The following MYO16 variants were observed in gnomAD, a reference collection of about 807,000 sequenced individuals.
The protein encoded by MYO16 is myosin XVI, also known as unconventional myosin-XVI.
A neutral mutation model predicts 205.3 loss-of-function variants in MYO16; 94 were observed. That is an observed-to-expected ratio of 0.46 (90% CI 0.39 to 0.54). MYO16 has a LOEUF of 0.54. MYO16 is among the 20% of genes least tolerant of loss of function. The probability of loss-of-function intolerance (pLI) is 0.00; values close to 1 mark genes in which losing one functional copy is unlikely to be tolerated. For synonymous variants in MYO16, 988 were observed against 954.0 expected (o/e 1.04, Z -0.66); for missense variants, 2,315 against 2,387.5 (o/e 0.97, Z 0.63).
In MYO16 at chr13:108,710,446, T is replaced by C. The variant is rs1052086085; in HGVS notation, c.293-2215T>C. On this transcript the variant is annotated intron_variant, in intron 2 of 34. Transcript: ENST00000457511. ...ATTCAACATTTAGTAACCAGAAAGT[T>C]TGGAAAACATTCAGAATAGATCTTA... 7.2e-5 allele frequency among the ~76,000 whole-genome samples: 11 copies of C among 152,328 alleles called. No homozygotes were observed. The East Asian group carries it at 2.1e-3, about 29-fold the overall frequency.
At chr13:108,677,877 C>T (rs764379606) in intron 2 of MYO16, among the ~76,000 whole-genome samples, 12 of 152,158 alleles carry the variant, frequency 7.9e-5, no homozygotes, top group Non-Finnish European at 1.2e-4. Context: ...GACAGTATTG[C>T]CATAGCTGGT....
intron 16 of MYO16, among the ~76,000 whole-genome samples, chr13:108,917,414 A>G (rs1335185879): frequency 6.6e-6 from 1 of 152,234 alleles, no homozygotes; most frequent in African/African-American, 2.4e-5. Flanking sequence ...TGGCACTCCA[A>G]CTACCTGAAA....
intron 12 of MYO16, among the ~76,000 whole-genome samples, chr13:108,871,045 T>A (rs1247190193): frequency 6.6e-6 from 1 of 152,208 alleles, no homozygotes. Flanking sequence ...CGTTTTCTAC[T>A]TTTGTTTCTC....
chr13:108,594,761 C>A (rs563847188), upstream of MYO16, among the ~76,000 whole-genome samples: 13 of 152,236 alleles, frequency 8.5e-5, no homozygotes, highest in African/African-American at 2.9e-4. Context: ...TGTTGCTGAG[C>A]GAATGACAGG....
intron 16 of MYO16, among the ~76,000 whole-genome samples, chr13:108,925,491 G>A (rs1351151431): frequency 6.6e-6 from 1 of 151,054 alleles, no homozygotes; most frequent in Non-Finnish European, 1.5e-5. Context: ...TTAAATAGTG[G>A]TAGTATAATA....
At chr13:108,587,169 C>T in the MYO16 span, among the ~76,000 whole-genome samples, 7 of 151,958 alleles carry the variant, frequency 4.6e-5, no homozygotes, top group East Asian at 1.9e-4. Flanking sequence ...AATTAGGGAG[C>T]GGTAAGGAAG....
intron 2 of MYO16, among the ~76,000 whole-genome samples, chr13:108,697,023 A>G (rs902223764): frequency 1.3e-5 from 2 of 151,958 alleles, no homozygotes; most frequent in Admixed American, 6.6e-5. Context: ...TCTTCCATGA[A>G]TCAGTTGACA....
chr13:108,846,487 TAC>T (rs974190984), intron 10 of MYO16, among the ~76,000 whole-genome samples: 2 of 146,160 alleles, frequency 1.4e-5, no homozygotes, highest in African/African-American at 5.1e-5. Context: ...TACATATATA[TAC>T]ACACACATAC....
chr13:108,888,706 C>T (rs569904310), intron 14 of MYO16, among the ~76,000 whole-genome samples: 60 of 151,936 alleles, frequency 3.9e-4, no homozygotes, highest in South Asian at 3.7e-3. Context: ...GTATTTGCTC[C>T]GAATAGTTGG....
chr13:108,731,802 TATTC>T (rs1404689496), intron 4 of MYO16, among the ~76,000 whole-genome samples: 2 of 152,220 alleles, frequency 1.3e-5, no homozygotes, highest in Non-Finnish European at 2.9e-5. Context: ...ACAGTTTGTT[TATTC>T]ATTCATTCAT....
At chr13:108,686,950 C>G (rs1882702588) in intron 2 of MYO16, among the ~76,000 whole-genome samples, 1 of 152,112 alleles carries the variant, frequency 6.6e-6, no homozygotes, top group East Asian at 1.9e-4. Flanking sequence ...TTGACAGGGT[C>G]CTGGAACAAC....
chr13:108,960,598 A>C (rs564073323), intron 17 of MYO16, among the ~76,000 whole-genome samples: 19 of 152,210 alleles, frequency 1.2e-4, no homozygotes, highest in African/African-American at 4.6e-4. Context: ...GCACATCAGC[A>C]TTGTTCTTAG....
intron 4 of MYO16, among the ~76,000 whole-genome samples, chr13:108,740,112 G>T (rs1884850852): frequency 6.7e-6 from 1 of 149,018 alleles, no homozygotes; most frequent in African/African-American, 2.5e-5. Flanking sequence ...AAGTTTGGTT[G>T]TCTGAAGCCC....
chr13:108,957,617 G>C, intron 16 of MYO16, 71 bp from the exon 17 acceptor site: 1 of 1,028,180 alleles, frequency 9.7e-7, no homozygotes, highest in African/African-American at 1.6e-5. Flanking sequence ...AAATACGGCA[G>C]AAGTGACTTT....
chr13:108,658,796 C>T lies in MYO16; in HGVS notation c.29-7090C>T, dbSNP rs182351486. 4.2e-3 allele frequency among the ~76,000 whole-genome samples: 638 copies of T among 152,142 alleles called. 2 individuals carry two copies. The highest frequency in any genetic ancestry group is 6.5e-3 in the Non-Finnish European group (441 of 67,988). ...TCAGAATTTATTGAGATTTGCTTTG[C>T]TTTATGGCCTAAGAGACAGTTAATA... On this transcript the variant is annotated intron_variant, in intron 1 of 34. Coordinates refer to ENST00000457511, the MANE Select transcript of MYO16 (RefSeq NM_001198950.3).
At chr13:108,575,725 C>G in the MYO16 span, among the ~76,000 whole-genome samples, 2 of 152,148 alleles carry the variant, frequency 1.3e-5, no homozygotes, top group Non-Finnish European at 2.9e-5. Context: ...CCCCTGCCCG[C>G]CCGCGTATAC....
At chr13:108,610,318 A>G (rs1238615256) in intron 1 of MYO16, among the ~76,000 whole-genome samples, 2 of 152,164 alleles carry the variant, frequency 1.3e-5, no homozygotes, top group Non-Finnish European at 2.9e-5. Flanking sequence ...GATTAAGTTT[A>G]CTAATATTTG....
chr13:108,687,020 C>A (rs1882705732), intron 2 of MYO16, among the ~76,000 whole-genome samples: 2 of 152,174 alleles, frequency 1.3e-5, no homozygotes, highest in South Asian at 4.1e-4. Context: ...TTATCAAGTT[C>A]AAATGGTTCT....
At chr13:108,911,831 G>T (rs1350270619) in intron 16 of MYO16, among the ~76,000 whole-genome samples, 4 of 152,312 alleles carry the variant, frequency 2.6e-5, no homozygotes, top group Middle Eastern at 3.4e-3. Context: ...CATGGGTTAT[G>T]CTCTGAAGGT....
Sources: allele counts gnomAD v4.1 joint callset (sites outside exome capture counted in the v4.1 genomes callset), GRCh38; gene constraint gnomAD v4.1.1; transcripts MANE v1.5; gene names NCBI Gene and HGNC (gene_info 2026-07-23, HGNC 2026-07-21).